KCNIP1: variants seen among roughly 807,000 people sequenced by gnomAD.
KCNIP1 encodes the protein A-type potassium channel modulatory protein KCNIP1.
Under a neutral mutation model 33.0 loss-of-function variants are expected in KCNIP1, and 18 were observed. The observed-to-expected ratio is 0.55, with a 90% CI of 0.38 to 0.81. The LOEUF (loss-of-function observed/expected upper bound fraction) is 0.81. KCNIP1 is among the 30% of genes least tolerant of loss of function. The pLI is 0.00. For missense variants in KCNIP1, 238 were observed against 271.6 expected, an observed-to-expected ratio of 0.88 and a Z score of 0.87; for synonymous variants, 93 against 98.3, an observed-to-expected ratio of 0.95 and a Z score of 0.32.
intron 1 of KCNIP1, among the ~76,000 whole-genome samples, chr5:170,391,308 G>C (rs1285985920): frequency 6.6e-6 from 1 of 152,118 alleles, no homozygotes; most frequent in African/African-American, 2.4e-5. Context: ...CTCTGAATAA[G>C]TTATTAAGGG....
At chr5:170,683,127 A>G (rs1208907989) in intron 1 of KCNIP1, among the ~76,000 whole-genome samples, 2 of 152,308 alleles carry the variant, frequency 1.3e-5, no homozygotes, top group Middle Eastern at 3.4e-3. Context: ...GGTAGAGAAC[A>G]TATGTTGAGA....
chr5:170,532,950 T>C (rs1216314377), intron 1 of KCNIP1, among the ~76,000 whole-genome samples: 2 of 152,232 alleles, frequency 1.3e-5, no homozygotes, highest in African/African-American at 4.8e-5. Flanking sequence ...TGACCAAGCA[T>C]GTAGCCTTCC....
At chr5:170,726,468 T>TAATA (rs1034421754) in intron 5 of KCNIP1, among the ~76,000 whole-genome samples, 18 of 152,246 alleles carry the variant, frequency 1.2e-4, no homozygotes, top group African/African-American at 4.3e-4. Context: ...AAAAGACTGA[T>TAATA]AATACCAAGC....
At chr5:170,724,175 A>G (rs1014335050) in intron 5 of KCNIP1, among the ~76,000 whole-genome samples, 10 of 152,222 alleles carry the variant, frequency 6.6e-5, no homozygotes, top group Non-Finnish European at 1.2e-4. Context: ...TTCCCAAATA[A>G]AATTATAGGC....
intron 1 of KCNIP1, among the ~76,000 whole-genome samples, chr5:170,700,989 C>A (rs1416586928): frequency 2.0e-5 from 3 of 152,172 alleles, no homozygotes; most frequent in Non-Finnish European, 4.4e-5. Flanking sequence ...TGCAGTAGAA[C>A]CAACTTTCCA....
intron 1 of KCNIP1, among the ~76,000 whole-genome samples, chr5:170,461,201 G>C (rs1009817201): frequency 2.0e-5 from 3 of 152,022 alleles, no homozygotes; most frequent in African/African-American, 7.3e-5. Flanking sequence ...CTCATGTATG[G>C]GTAGATTAAA....
At chr5:170,397,736 C>A (rs886796257) in intron 1 of KCNIP1, among the ~76,000 whole-genome samples, 3 of 152,018 alleles carry the variant, frequency 2.0e-5, no homozygotes, top group Admixed American at 1.3e-4. Context: ...TATGAGTGAC[C>A]AATGGCCCAT....
At chr5:170,705,184 C>A (rs1355826471) in intron 1 of KCNIP1, among the ~76,000 whole-genome samples, 1 of 152,174 alleles carries the variant, frequency 6.6e-6, no homozygotes, top group Non-Finnish European at 1.5e-5. Flanking sequence ...AAGAAGGAAA[C>A]AATCAAAGCT....
At chr5:170,525,269 T>C (rs1011525385) in intron 1 of KCNIP1, among the ~76,000 whole-genome samples, 1 of 152,238 alleles carries the variant, frequency 6.6e-6, no homozygotes, top group Admixed American at 6.5e-5. Context: ...TCCTCACCCC[T>C]ACTCCCGCAC....
intron 1 of KCNIP1, among the ~76,000 whole-genome samples, chr5:170,704,623 G>A (rs889754476): frequency 1.3e-5 from 2 of 152,168 alleles, no homozygotes; most frequent in Non-Finnish European, 2.9e-5. Context: ...GGAAGGTGGG[G>A]GGTTGTTGTG....
intron 1 of KCNIP1, chr5:170,376,509 C>T (rs950792912): frequency 1.3e-5 from 2 of 152,072 alleles, no homozygotes; most frequent in East Asian, 1.9e-4. Context: ...TGATCCTCTC[C>T]CTCCTCCTAC....
chr5:170,578,244 A>T (rs762699520), intron 1 of KCNIP1, among the ~76,000 whole-genome samples: 28 of 152,302 alleles, frequency 1.8e-4, no homozygotes, highest in Admixed American at 7.8e-4. Context: ...GACTGAGAAC[A>T]GTGGAAAGGC....
At chr5:170,558,116 T>A (rs1253380891) in intron 1 of KCNIP1, among the ~76,000 whole-genome samples, 1 of 152,136 alleles carries the variant, frequency 6.6e-6, no homozygotes, top group Non-Finnish European at 1.5e-5. Flanking sequence ...CTTCCTTCCC[T>A]GAGTTTCTAT....
intron 1 of KCNIP1, among the ~76,000 whole-genome samples, chr5:170,401,206 T>G (rs1158373123): frequency 1.3e-5 from 2 of 152,232 alleles, no homozygotes; most frequent in Admixed American, 1.3e-4. Flanking sequence ...CAGGAGCTAC[T>G]TCCTGTGGGC....
intron 1 of KCNIP1, among the ~76,000 whole-genome samples, chr5:170,390,539 T>TATATATATA (rs1581143220): frequency 4.5e-5 from 6 of 133,758 alleles, no homozygotes; most frequent in African/African-American, 1.2e-4. Flanking sequence ...TATATATATA[T>TATATATATA]TTTCAACAAA....
chr5:170,410,864 A>G (rs1009008003), intron 1 of KCNIP1, among the ~76,000 whole-genome samples: 5 of 152,200 alleles, frequency 3.3e-5, no homozygotes, highest in Admixed American at 3.3e-4. Context: ...AGGATGGTGG[A>G]ACAGGGCCCC....
chr5:170,452,198 A>G (rs1451099407), intron 1 of KCNIP1, among the ~76,000 whole-genome samples: 1 of 152,212 alleles, frequency 6.6e-6, no homozygotes, highest in Admixed American at 6.5e-5. Context: ...ATCACCTCTG[A>G]CAGTGGTTGG....
chr5:170,540,094 G>A (rs115787684), intron 1 of KCNIP1, among the ~76,000 whole-genome samples: 1,921 of 152,260 alleles, frequency 0.013, 39 homozygotes, highest in African/African-American at 0.044. Context: ...GCCTGGGTCT[G>A]GGTTCTTCTG....
chr5:170,444,024 T>A (rs1756052590), intron 1 of KCNIP1, among the ~76,000 whole-genome samples: 1 of 152,250 alleles, frequency 6.6e-6, no homozygotes, highest in Non-Finnish European at 1.5e-5. Context: ...ACATTTTGTA[T>A]TTAACCAGTA....
Sources: allele counts gnomAD v4.1 joint callset (sites outside exome capture counted in the v4.1 genomes callset), GRCh38; gene constraint gnomAD v4.1.1; transcripts MANE v1.5; gene names NCBI Gene and HGNC (gene_info 2026-07-23, HGNC 2026-07-21).